The following VTI1A variants were observed in gnomAD, a reference collection of about 807,000 sequenced individuals.
The protein encoded by VTI1A is vesicle transport through interaction with t-SNAREs 1A.
A neutral mutation model predicts 34.9 loss-of-function variants in VTI1A; 22 were observed. The ratio of observed to expected loss-of-function variants is 0.63; its 90% CI spans 0.45 to 0.90. The LOEUF (loss-of-function observed/expected upper bound fraction) is 0.90. Ranked by LOEUF, VTI1A falls within the 40% of genes least tolerant of loss-of-function variation. VTI1A has a pLI of 0.00. For synonymous variants in VTI1A, 87 were observed against 97.3 expected, an observed-to-expected ratio of 0.89 and a Z score of 0.62; for missense variants, 268 against 275.6, an observed-to-expected ratio of 0.97 and a Z score of 0.20.
intron 3 of VTI1A, among the ~76,000 whole-genome samples, chr10:112,496,748 A>G (rs1849040100): frequency 6.6e-6 from 1 of 152,222 alleles, no homozygotes; most frequent in African/African-American, 2.4e-5. Context: ...TGAACCTGAT[A>G]TGCTGCTGAC....
intron 3 of VTI1A, among the ~76,000 whole-genome samples, chr10:112,489,662 T>G (rs1257810502): frequency 2.6e-5 from 4 of 152,214 alleles, no homozygotes; most frequent in African/African-American, 9.6e-5. Context: ...GCTGGATGCT[T>G]ATAAGTGCAG....
the VTI1A span, chr10:112,827,846 A>G: frequency 1.3e-5 from 2 of 152,236 alleles, no homozygotes; most frequent in Admixed American, 1.3e-4. Flanking sequence ...ACTGTGAATT[A>G]GACGCTGTCA....
At chr10:112,837,333 A>G in the VTI1A span, among the ~76,000 whole-genome samples, 2 of 152,176 alleles carry the variant, frequency 1.3e-5, no homozygotes, top group South Asian at 2.1e-4. Context: ...TCTCAAAAAA[A>G]AATCCTGGGA....
At chr10:112,617,911 T>C (rs1845565995) in intron 5 of VTI1A, among the ~76,000 whole-genome samples, 1 of 152,102 alleles carries the variant, frequency 6.6e-6, no homozygotes, top group African/African-American at 2.4e-5. Context: ...TCCCAGCACT[T>C]TGGGAGGCCG....
At chr10:112,455,178 C>T (rs1847405651) in intron 1 of VTI1A, among the ~76,000 whole-genome samples, 1 of 590 alleles carries the variant, frequency 1.7e-3, no homozygotes, top group African/African-American at 5.6e-3. Flanking sequence ...CTCCTCCCCT[C>T]CCCTCCTCCC....
At chr10:112,684,807 A>G (rs1848346071) in intron 7 of VTI1A, among the ~76,000 whole-genome samples, 1 of 152,154 alleles carries the variant, frequency 6.6e-6, no homozygotes, top group Admixed American at 6.5e-5. Flanking sequence ...CAGCTGGGAT[A>G]TATCTTCAAA....
chr10:112,794,024 T>C (rs1166104105), intron 7 of VTI1A, among the ~76,000 whole-genome samples: 6 of 152,178 alleles, frequency 3.9e-5, no homozygotes, highest in African/African-American at 1.4e-4. Flanking sequence ...GTTCTAAATG[T>C]ATTCCACATA....
chr10:112,694,203 C>A (rs941212637), intron 7 of VTI1A, among the ~76,000 whole-genome samples: 1 of 152,162 alleles, frequency 6.6e-6, no homozygotes, highest in African/African-American at 2.4e-5. Flanking sequence ...GATACTCCAT[C>A]TCAAAAAATA....
At chr10:112,494,136 CTTATA>C (rs1366949509) in intron 3 of VTI1A, among the ~76,000 whole-genome samples, 1 of 152,086 alleles carries the variant, frequency 6.6e-6, no homozygotes, top group Non-Finnish European at 1.5e-5. Context: ...TTTGTTACTT[CTTATA>C]TTCTATTATC....
chr10:112,591,115 G>C (rs1297792691), intron 5 of VTI1A, among the ~76,000 whole-genome samples: 3 of 152,026 alleles, frequency 2.0e-5, no homozygotes, highest in Non-Finnish European at 4.4e-5. Context: ...AAAAGAGAAA[G>C]AAAGAAATAG....
At chr10:112,611,876 G>C (rs554017408) in intron 5 of VTI1A, among the ~76,000 whole-genome samples, 198 of 151,344 alleles carry the variant, frequency 1.3e-3, no homozygotes, top group Non-Finnish European at 2.4e-3. Flanking sequence ...TGAGTAGCTG[G>C]GACTACAGGC....
chr10:112,486,083 T>C (rs950552318), intron 3 of VTI1A, among the ~76,000 whole-genome samples: 1 of 152,202 alleles, frequency 6.6e-6, no homozygotes, highest in Non-Finnish European at 1.5e-5. Context: ...CCCACACATA[T>C]TTTATGTTAA....
chr10:112,579,040 A>G (rs1213560115), intron 5 of VTI1A, among the ~76,000 whole-genome samples: 1 of 152,150 alleles, frequency 6.6e-6, no homozygotes, highest in Non-Finnish European at 1.5e-5. Context: ...CATCTGAAAA[A>G]CCTTACTTTC....
chr10:112,733,558 T>C (rs1419502483), intron 7 of VTI1A, among the ~76,000 whole-genome samples: 1 of 152,130 alleles, frequency 6.6e-6, no homozygotes. Context: ...GTGTTTATTA[T>C]TTGGTCAAAG....
chr10:112,616,747 A>G (rs935254719), intron 5 of VTI1A, among the ~76,000 whole-genome samples: 1 of 152,210 alleles, frequency 6.6e-6, no homozygotes, highest in Non-Finnish European at 1.5e-5. Flanking sequence ...ATAAGGAACC[A>G]TACAGAACTT....
chr10:112,604,663 T>C (rs1334787056), intron 5 of VTI1A, among the ~76,000 whole-genome samples: 2 of 152,224 alleles, frequency 1.3e-5, no homozygotes, highest in Admixed American at 1.3e-4. Context: ...TATTCCTGTA[T>C]ACGAGTCTAT....
At chr10:112,753,199 T>C (rs1002774638) in intron 7 of VTI1A, among the ~76,000 whole-genome samples, 1 of 151,874 alleles carries the variant, frequency 6.6e-6, no homozygotes, top group African/African-American at 2.4e-5. Context: ...CAACAACTTA[T>C]TTTTGAAAAA....
intron 5 of VTI1A, among the ~76,000 whole-genome samples, chr10:112,661,189 G>A (rs1231198686): frequency 6.6e-6 from 1 of 152,112 alleles, no homozygotes; most frequent in African/African-American, 2.4e-5. Flanking sequence ...CACCAAGTTG[G>A]CCAGGTTGGT....
chr10:112,561,736 C>A (rs550815790), intron 5 of VTI1A, among the ~76,000 whole-genome samples: 1 of 152,004 alleles, frequency 6.6e-6, no homozygotes, highest in East Asian at 1.9e-4. Flanking sequence ...CAAAATAGAT[C>A]ATGCTTACAG....
Sources: gnomAD v4.1 joint callset for allele counts (sites outside exome capture counted in the v4.1 genomes callset) on GRCh38, gnomAD v4.1.1 for gene constraint, MANE v1.5 for transcripts, NCBI Gene and HGNC (gene_info 2026-07-23, HGNC 2026-07-21) for gene names.